PHLDB2: variants seen among roughly 807,000 people sequenced by gnomAD.
PHLDB2 encodes pleckstrin homology like domain family B member 2, also known as pleckstrin homology-like domain family B member 2.
A neutral mutation model predicts 123.6 loss-of-function variants in PHLDB2; 71 were observed. That is an observed-to-expected ratio of 0.57 (90% confidence interval 0.47 to 0.70). The LOEUF (loss-of-function observed/expected upper bound fraction) is 0.70. PHLDB2 is among the 30% of genes least tolerant of loss of function. The pLI is 0.00. For synonymous variants in PHLDB2, 547 were observed against 541.6 expected (o/e 1.01, Z -0.14); for missense variants, 1,446 against 1,519.5 (o/e 0.95, Z 0.80).
At chr3:111,922,253 GCAAATTCT>G in intron 5 of PHLDB2, among the ~76,000 whole-genome samples, 1 of 152,278 alleles carries the variant, frequency 6.6e-6, no homozygotes, top group East Asian at 1.9e-4. Context: ...GGCATGGCCT[GCAAATTCT>G]ATTTGTGTAT....
chr3:111,884,067 C>T lies in PHLDB2; in HGVS notation c.-11C>T. 6.3e-7 allele frequency: 1 copy of T among 1,592,768 alleles called. No homozygotes were observed. ...TTTCTGTTTTATTTCTTTACAGATT[C>T]CAGCAAGATTATGGAAGAGCATAGC... is the stretch of plus-strand genomic sequence containing the variant. On this transcript the variant is annotated 5_prime_UTR_variant, in exon 2 of 18. Coordinates refer to ENST00000431670, the MANE Select transcript of PHLDB2 (RefSeq NM_001134438.2).
At chr3:111,794,978 C>T (rs2061093006) in intron 1 of PHLDB2, among the ~76,000 whole-genome samples, 2 of 152,156 alleles carry the variant, frequency 1.3e-5, no homozygotes, top group African/African-American at 2.4e-5. Context: ...TATGTTCACT[C>T]CAGGAGCATT....
At chr3:111,930,387 G>A (rs1002056597) in intron 5 of PHLDB2, among the ~76,000 whole-genome samples, 1 of 125,262 alleles carries the variant, frequency 8.0e-6, no homozygotes, top group Admixed American at 8.9e-5. Flanking sequence ...TTATACATGT[G>A]CTATTAAATT....
chr3:111,767,694 A>G (rs1378805687), intron 1 of PHLDB2, among the ~76,000 whole-genome samples: 1 of 152,260 alleles, frequency 6.6e-6, no homozygotes, highest in Non-Finnish European at 1.5e-5. Flanking sequence ...GATGATTATT[A>G]TAACTGTCAT....
intron 2 of PHLDB2, among the ~76,000 whole-genome samples, chr3:111,904,060 T>C (rs2067361539): frequency 6.6e-6 from 1 of 151,992 alleles, no homozygotes; most frequent in African/African-American, 2.4e-5. Flanking sequence ...GGCAGATCAC[T>C]TGAGGTGAGG....
intron 1 of PHLDB2, among the ~76,000 whole-genome samples, chr3:111,814,033 A>G (rs916478001): frequency 8.5e-5 from 13 of 152,240 alleles, no homozygotes; most frequent in Non-Finnish European, 1.9e-4. Flanking sequence ...AGAGGTGAAC[A>G]TAAGTCTCCT....
intron 4 of PHLDB2, 72 bp from the exon 5 acceptor site, chr3:111,920,210 G>A (rs559547250): frequency 4.0e-6 from 6 of 1,504,068 alleles, no homozygotes; most frequent in Non-Finnish European, 5.4e-6. Context: ...TGTTGCAAAT[G>A]TATCTCTAGG....
At chr3:111,926,063 C>T (rs2068798451) in intron 5 of PHLDB2, among the ~76,000 whole-genome samples, 1 of 152,194 alleles carries the variant, frequency 6.6e-6, no homozygotes, top group Non-Finnish European at 1.5e-5. Flanking sequence ...TATTGTGTGT[C>T]TTCACACAGA....
chr3:111,920,954 T>C (rs183790826), intron 5 of PHLDB2, among the ~76,000 whole-genome samples: 3,158 of 152,350 alleles, frequency 0.021, 125 homozygotes, highest in African/African-American at 0.072. Context: ...TATTGGAGTT[T>C]CTAAAATTTT....
intron 1 of PHLDB2, among the ~76,000 whole-genome samples, chr3:111,770,329 C>T (rs1191675418): frequency 6.6e-6 from 1 of 152,052 alleles, no homozygotes; most frequent in East Asian, 1.9e-4. Flanking sequence ...TTTTTTTCTC[C>T]TACTTTTCTG....
intron 1 of PHLDB2, among the ~76,000 whole-genome samples, chr3:111,740,248 G>A (rs1014905521): frequency 1.3e-5 from 2 of 152,022 alleles, no homozygotes; most frequent in African/African-American, 4.8e-5. Context: ...AAGAACCTCT[G>A]GTCCAAGAAG....
intron 9 of PHLDB2, among the ~76,000 whole-genome samples, chr3:111,948,512 G>A (rs775024894): frequency 2.0e-5 from 3 of 152,098 alleles, no homozygotes; most frequent in South Asian, 2.1e-4. Flanking sequence ...AAGATTTGTC[G>A]GAAAGGCTCT....
intron 1 of PHLDB2, among the ~76,000 whole-genome samples, chr3:111,839,940 CTTTTTT>C (rs3082317): frequency 1.5e-5 from 1 of 64,940 alleles, no homozygotes; most frequent in African/African-American, 6.6e-5. Context: ...CCCACCCCCG[CTTTTTT>C]TTTTTTTTTT....
intron 1 of PHLDB2, among the ~76,000 whole-genome samples, chr3:111,744,477 A>G (rs2059651763): frequency 6.6e-6 from 1 of 152,224 alleles, no homozygotes; most frequent in Non-Finnish European, 1.5e-5. Context: ...CAGTGCATAA[A>G]AAGTTTCACA....
At chr3:111,874,568 G>A (rs1214370734) in intron 1 of PHLDB2, among the ~76,000 whole-genome samples, 2 of 152,166 alleles carry the variant, frequency 1.3e-5, no homozygotes, top group East Asian at 3.9e-4. Context: ...GCCTGGATGA[G>A]GCTAGTTGTC....
intron 1 of PHLDB2, among the ~76,000 whole-genome samples, chr3:111,839,939 G>A (rs1574061): frequency 0.4 from 20,596 of 51,674 alleles, 1,748 homozygotes; most frequent in Admixed American, 0.43. Context: ...CCCCACCCCC[G>A]CTTTTTTTTT....
At chr3:111,755,045 C>T (rs1367452028) in intron 1 of PHLDB2, among the ~76,000 whole-genome samples, 5 of 152,066 alleles carry the variant, frequency 3.3e-5, no homozygotes, top group East Asian at 1.9e-4. Flanking sequence ...CTGCTGGATT[C>T]GGTTTGCCAG....
At chr3:111,972,427 T>C (rs2072262035) in intron 16 of PHLDB2, among the ~76,000 whole-genome samples, 1 of 152,164 alleles carries the variant, frequency 6.6e-6, no homozygotes, top group Non-Finnish European at 1.5e-5. Flanking sequence ...AGACTAGCTT[T>C]TTGTAGTTAA....
chr3:111,761,076 TAGGG>T (rs2059984535), intron 1 of PHLDB2, among the ~76,000 whole-genome samples: 1 of 150,400 alleles, frequency 6.6e-6, no homozygotes, highest in Admixed American at 6.7e-5. Flanking sequence ...TCCCAGCTAC[TAGGG>T]AGGCTGAGGA....
Sources: gnomAD v4.1 joint callset for allele counts (sites outside exome capture counted in the v4.1 genomes callset) on GRCh38, gnomAD v4.1.1 for gene constraint, MANE v1.5 for transcripts, NCBI Gene and HGNC (gene_info 2026-07-23, HGNC 2026-07-21) for gene names.